Variants in CDYL observed in about 807,000 individuals in gnomAD.
CDYL encodes the protein chromodomain Y like.
In CDYL, 8 loss-of-function variants were observed where a neutral mutation model predicts 47.3. The ratio of observed to expected loss-of-function variants is 0.17; its 90% CI spans 0.10 to 0.31. CDYL has a LOEUF of 0.31. CDYL is among the 10% of genes least tolerant of loss of function. CDYL has a pLI of 1.00. For missense variants in CDYL, 471 were observed against 701.4 expected, an observed-to-expected ratio of 0.67 and a Z score of 3.71; for synonymous variants, 266 against 265.0, an observed-to-expected ratio of 1.00 and a Z score of -0.04.
chr6:4,828,864 A>G (rs1234021428), intron 1 of CDYL, among the ~76,000 whole-genome samples: 1 of 151,520 alleles, frequency 6.6e-6, no homozygotes, highest in African/African-American at 2.4e-5. Flanking sequence ...AAGTTCGTTG[A>G]TTAATTTTTT....
At chr6:4,732,063 G>T (rs1757614911) in intron 2 of CDYL, among the ~76,000 whole-genome samples, 1 of 152,140 alleles carries the variant, frequency 6.6e-6, no homozygotes, top group Non-Finnish European at 1.5e-5. Flanking sequence ...GACTGGGCAT[G>T]GTGGTCCATC....
intron 2 of CDYL, among the ~76,000 whole-genome samples, chr6:4,914,785 A>G (rs1449657475): frequency 1.3e-5 from 2 of 152,320 alleles, no homozygotes; most frequent in Middle Eastern, 3.4e-3. Context: ...GGGCCCACAC[A>G]TGGCCCACGC....
intron 3 of CDYL, among the ~76,000 whole-genome samples, chr6:4,762,255 C>A (rs1383348619): frequency 6.6e-6 from 1 of 152,112 alleles, no homozygotes; most frequent in Non-Finnish European, 1.5e-5. Context: ...TTCTTTCAAG[C>A]CATGAAATTG....
At chr6:4,840,203 C>G (rs1760446444) in intron 1 of CDYL, among the ~76,000 whole-genome samples, 1 of 151,876 alleles carries the variant, frequency 6.6e-6, no homozygotes, top group Admixed American at 6.6e-5. Context: ...TGATTTGAGT[C>G]TCACCTTGGT....
At position 4,918,298 on chromosome 6, in the gene CDYL, T is replaced by C. The variant is rs1757612377; in HGVS notation, c.692-17217T>C. On this transcript the variant is annotated intron_variant, in intron 2 of 6. Transcript: ENST00000397588. ...TTATTTTTGTATTTTCATTTGTCCTTTTTAATTGTTGTTGTTATTGTTAAT... is the reference window on the plus strand; with the variant it reads ...TTATTTTTGTATTTTCATTTGTCCTCTTTAATTGTTGTTGTTATTGTTAAT... Among the ~76,000 whole-genome samples, 3 of 152,352 alleles carry C rather than the reference T, an allele frequency of 2.0e-5. No homozygotes were observed. In the South Asian group the frequency reaches 6.2e-4, roughly 32 times the overall value.
intron 1 of CDYL, among the ~76,000 whole-genome samples, chr6:4,871,586 C>A (rs1761475924): frequency 6.6e-6 from 1 of 152,174 alleles, no homozygotes; most frequent in South Asian, 2.1e-4. Flanking sequence ...CTCAGCATTG[C>A]AGCCTCTCAC....
intron 5 of CDYL, among the ~76,000 whole-genome samples, chr6:4,944,501 G>T (rs1027777753): frequency 1.3e-5 from 2 of 152,186 alleles, no homozygotes; most frequent in Non-Finnish European, 2.9e-5. Flanking sequence ...CCCTGTGGCC[G>T]TCTGCTAACA....
intron 6 of CDYL, among the ~76,000 whole-genome samples, chr6:4,953,065 G>A (rs979260870): frequency 4.6e-5 from 7 of 150,586 alleles, no homozygotes; most frequent in African/African-American, 1.7e-4. Context: ...CACTGTGCCC[G>A]GCCTCCTAAG....
Position 4,954,814 on chromosome 6 carries a change from T to G in CDYL, c.*758T>G, listed in dbSNP as rs1210328904. On this transcript the variant is annotated 3_prime_UTR_variant, in exon 7 of 7. Coordinates refer to ENST00000397588, the MANE Select transcript of CDYL (RefSeq NM_004824.4). ...ATAGCTTAAGTATGACTATCTAAGT[T>G]ATAAGTTAGTCTTTAGTGGGTTTTA... 3 of 152,236 alleles carry G rather than the reference T, an allele frequency of 2.0e-5. No individual in the cohort carries two copies. The highest frequency in any genetic ancestry group is 7.2e-5 in the African/African-American group (3 of 41,464). 9.4% of individuals were successfully genotyped at this position (152,236 alleles called of 1,614,324 possible).
At chr6:4,736,006 T>C (rs1341733612) in intron 3 of CDYL, among the ~76,000 whole-genome samples, 1 of 152,164 alleles carries the variant, frequency 6.6e-6, no homozygotes. Flanking sequence ...TGCTCTCCAG[T>C]AGCTCTTTAG....
chr6:4,896,511 G>A lies in CDYL; in HGVS notation c.691+4132G>A, dbSNP rs139775923. 1.3e-4 allele frequency among the ~76,000 whole-genome samples: 20 copies of A among 152,260 alleles called. No homozygotes were observed. In the East Asian group the frequency reaches 3.9e-3, roughly 29 times the overall value. ...TTGTAAGGAGTCATTTGTGGCCTGG[G>A]TCTTTTGCTCAGAGAGGAGGGAAGG... On this transcript the variant is annotated intron_variant, in intron 2 of 6. Transcript: ENST00000397588.
At chr6:4,948,623 C>T (rs897659008) in intron 5 of CDYL, among the ~76,000 whole-genome samples, 4 of 152,252 alleles carry the variant, frequency 2.6e-5, no homozygotes, top group South Asian at 4.2e-4. Flanking sequence ...GGGTACTGCT[C>T]GGCACCCTCC....
intron 3 of CDYL, among the ~76,000 whole-genome samples, chr6:4,763,454 G>C (rs1210968096): frequency 6.6e-6 from 1 of 152,162 alleles, no homozygotes; most frequent in Non-Finnish European, 1.5e-5. Flanking sequence ...AGAATTAGTG[G>C]TGTTGGAACA....
intron 1 of CDYL, among the ~76,000 whole-genome samples, chr6:4,794,468 C>T (rs569330032): frequency 1.3e-5 from 2 of 152,026 alleles, no homozygotes; most frequent in African/African-American, 2.4e-5. Context: ...ATGGGCGACT[C>T]CTCGGAAGGG....
chr6:4,915,854 C>T (rs1015911512), intron 2 of CDYL, among the ~76,000 whole-genome samples: 31 of 152,194 alleles, frequency 2.0e-4, no homozygotes, highest in Admixed American at 7.2e-4. Context: ...AGCCTGCTAC[C>T]TGGAGACTTC....
At position 4,900,790 on chromosome 6, in the gene CDYL, T is replaced by G. The variant is rs1316232543; in HGVS notation, c.691+8411T>G. ...TTCCGTATACGTGTGTATATATATA[T>G]ATATATATATATATATATATATATA... is the stretch of plus-strand genomic sequence containing the variant. On this transcript the variant is annotated intron_variant, in intron 2 of 6. Coordinates refer to ENST00000397588, the MANE Select transcript of CDYL (RefSeq NM_004824.4). 2.5e-3 allele frequency among the ~76,000 whole-genome samples: 133 copies of G among 52,598 alleles called. 1 individual carries two copies. The highest frequency in any genetic ancestry group is 9.9e-3 in the African/African-American group (128 of 12,890). 34.5% of individuals were successfully genotyped at this position (52,598 alleles called of 152,430 possible).
chr6:4,831,857 C>T (rs867135079), intron 1 of CDYL, among the ~76,000 whole-genome samples: 1 of 150,876 alleles, frequency 6.6e-6, no homozygotes, highest in South Asian at 2.1e-4. Flanking sequence ...GGAGTTCACT[C>T]ATGATTTGGC....
chr6:4,903,355 C>T (rs768395329), intron 2 of CDYL, among the ~76,000 whole-genome samples: 5 of 152,218 alleles, frequency 3.3e-5, no homozygotes, highest in Admixed American at 6.5e-5. Context: ...CAAGACATTT[C>T]GTCCTAGTTT....
intron 2 of CDYL, among the ~76,000 whole-genome samples, chr6:4,723,037 A>C (rs1757401355): frequency 6.6e-6 from 1 of 152,202 alleles, no homozygotes; most frequent in South Asian, 2.1e-4. Context: ...CCTTCTGTGT[A>C]TAAAGTACAG....
Sources: allele counts gnomAD v4.1 joint callset (sites outside exome capture counted in the v4.1 genomes callset), GRCh38; gene constraint gnomAD v4.1.1; transcripts MANE v1.5; gene names NCBI Gene and HGNC (gene_info 2026-07-23, HGNC 2026-07-21).